Variants in AP2B1 observed in about 807,000 individuals in gnomAD.
The protein encoded by AP2B1 is AP-2 complex subunit beta.
AP2B1 carries 23 observed loss-of-function variants against 102.0 expected under a neutral mutation model. The observed-to-expected ratio is 0.23, with a 90% CI of 0.16 to 0.32. AP2B1 has a LOEUF of 0.32. AP2B1 is among the 10% of genes least tolerant of loss of function. The pLI is 1.00. For synonymous variants in AP2B1, 381 were observed against 421.2 expected (o/e 0.90, Z 1.17); for missense variants, 541 against 1,157.4 (o/e 0.47, Z 7.73).
At chr17:35,687,726 T>G (rs2075965067) in intron 18 of AP2B1, among the ~76,000 whole-genome samples, 1 of 151,956 alleles carries the variant, frequency 6.6e-6, no homozygotes, top group African/African-American at 2.4e-5. Flanking sequence ...AATTTTTTAT[T>G]TTTATGTAGA....
intron 18 of AP2B1, among the ~76,000 whole-genome samples, chr17:35,694,981 T>C (rs1320985698): frequency 6.6e-6 from 1 of 152,026 alleles, no homozygotes; most frequent in Non-Finnish European, 1.5e-5. Context: ...CCCTCACTAT[T>C]AACATAAACA....
chr17:35,657,153 C>G (rs79512659), intron 13 of AP2B1, among the ~76,000 whole-genome samples: 2,664 of 152,216 alleles, frequency 0.018, 53 homozygotes, highest in African/African-American at 0.048. Flanking sequence ...CTCTCATATC[C>G]TATCAATTAT....
intron 12 of AP2B1, among the ~76,000 whole-genome samples, chr17:35,647,763 C>T (rs1032542323): frequency 2.6e-5 from 4 of 152,082 alleles, no homozygotes; most frequent in Non-Finnish European, 4.4e-5. Context: ...ATGATAAGGG[C>T]CTTAAGTGGC....
chr17:35,666,406 A>G (rs550100822), intron 14 of AP2B1, among the ~76,000 whole-genome samples: 1 of 152,322 alleles, frequency 6.6e-6, no homozygotes, highest in Middle Eastern at 3.4e-3. Context: ...TACAGCAATT[A>G]TGGGGGACTA....
In AP2B1 at chr17:35,708,003, A is replaced by G. The variant is rs587701806; in HGVS notation, c.2455-1221A>G. On this transcript the variant is annotated intron_variant, in intron 18 of 21. Transcript: ENST00000610402. ...AGGGAATACAGGCACCATTTAAAGT[A>G]AGGAAGGTAAGTTGATACTAAATGT... 7.2e-5 allele frequency among the ~76,000 whole-genome samples: 11 copies of G among 152,336 alleles called. No individual in the cohort carries two copies. In the East Asian group the frequency reaches 1.7e-3, roughly 24 times the overall value.
At chr17:35,671,100 T>C (rs2075578020) in intron 15 of AP2B1, among the ~76,000 whole-genome samples, 3 of 152,128 alleles carry the variant, frequency 2.0e-5, no homozygotes, top group African/African-American at 7.2e-5. Flanking sequence ...GAGACATCTT[T>C]AAGGTTTAAT....
chr17:35,629,891 C>CCT (rs947634288), intron 9 of AP2B1, among the ~76,000 whole-genome samples: 4 of 152,172 alleles, frequency 2.6e-5, no homozygotes, highest in Admixed American at 1.3e-4. Flanking sequence ...AGTCAGCAGT[C>CCT]CTCCATTTGT....
intron 3 of AP2B1, among the ~76,000 whole-genome samples, chr17:35,599,523 A>G (rs563906338): frequency 6.6e-6 from 1 of 152,372 alleles, no homozygotes; most frequent in South Asian, 2.1e-4. Flanking sequence ...GAAATGTGTC[A>G]GCATAGCTCA....
At chr17:35,666,691 C>T (rs1462979971) in intron 14 of AP2B1, among the ~76,000 whole-genome samples, 1 of 152,066 alleles carries the variant, frequency 6.6e-6, no homozygotes, top group Admixed American at 6.5e-5. Context: ...AAAGCCATAC[C>T]CTGCACTCCT....
chr17:35,717,263 G>T lies in AP2B1; in HGVS notation c.2695G>T (p.Asp899Tyr). ...TGCCAAGAGGAATGTGGAAGGGCAG[G>T]ACATGCTGTACCAATCCCTGAAGCT... ...TIAKRNVEGQ[D>Y]MLYQSLKLTN... Residue 899 changes from aspartate (D) to tyrosine (Y), a missense_variant, in exon 21 of 22, where the codon GAC becomes TAC. Around this residue, in one of 10 missense-constraint regions of AP2B1, gnomAD observed 117 missense variants for 206.7 expected, o/e 0.57. Coordinates refer to ENST00000610402, the MANE Select transcript of AP2B1 (RefSeq NM_001030006.2). 6.2e-7 allele frequency: 1 copy of T among 1,614,174 alleles called. No homozygotes were observed. The highest frequency in any genetic ancestry group is 8.5e-7 in the Non-Finnish European group (1 of 1,180,000).
intron 16 of AP2B1, 78 bp downstream of exon 16, chr17:35,671,978 T>G: frequency 6.7e-7 from 1 of 1,501,642 alleles, no homozygotes. Flanking sequence ...TTTGTGTTAC[T>G]TCTACTGGTA....
At chr17:35,704,358 G>A (rs2076298666) in intron 18 of AP2B1, among the ~76,000 whole-genome samples, 1 of 152,152 alleles carries the variant, frequency 6.6e-6, no homozygotes, top group South Asian at 2.1e-4. Flanking sequence ...TTGAGAATCA[G>A]TGTGCCTAAT....
At chr17:35,715,633 A>C (rs1196282793) in intron 20 of AP2B1, among the ~76,000 whole-genome samples, 1 of 152,240 alleles carries the variant, frequency 6.6e-6, no homozygotes. Context: ...TCAAAGCTGC[A>C]AGAGCCCTTC....
intron 5 of AP2B1, among the ~76,000 whole-genome samples, chr17:35,611,157 G>A (rs2073851023): frequency 6.6e-6 from 1 of 152,096 alleles, no homozygotes; most frequent in Admixed American, 6.5e-5. Flanking sequence ...TTGTGTTTTT[G>A]GCATTGCTTT....
rs1325785580 is a variant in AP2B1, at chr17:35,724,862, A to G, written c.*1163A>G. 3 of 152,170 alleles carry G rather than the reference A, an allele frequency of 2.0e-5. No homozygotes were observed. Among genetic ancestry groups the G allele is most frequent in the Non-Finnish European group, 2.9e-5 (2 of 68,040 alleles). The allele number at this position is 152,170 out of a possible 1,614,324, so 9.4% of individuals were successfully genotyped here. The stretch of plus-strand genomic sequence containing the variant: ...CCATATTGATTTTGACGCTCTGTAT[A>G]TTGGCATCAGGTGGCAGCTGAATAT... On this transcript the variant is annotated 3_prime_UTR_variant, in exon 22 of 22. Coordinates refer to ENST00000610402, the MANE Select transcript of AP2B1 (RefSeq NM_001030006.2).
intron 2 of AP2B1, among the ~76,000 whole-genome samples, chr17:35,595,024 C>T (rs764277388): frequency 9.2e-5 from 14 of 152,150 alleles, no homozygotes; most frequent in Admixed American, 7.2e-4. Context: ...TTCAGGAGTC[C>T]TTACATTTAC....
intron 5 of AP2B1, among the ~76,000 whole-genome samples, chr17:35,615,342 G>A (rs1035921353): frequency 2.6e-5 from 4 of 152,194 alleles, no homozygotes; most frequent in African/African-American, 9.6e-5. Flanking sequence ...CTGATATATG[G>A]TAAATGCTTA....
At chr17:35,607,151 C>T (rs898401183) in intron 4 of AP2B1, among the ~76,000 whole-genome samples, 9 of 152,106 alleles carry the variant, frequency 5.9e-5, no homozygotes, top group Non-Finnish European at 1.2e-4. Context: ...GTGATCCGCC[C>T]ACCTTGGCCT....
At chr17:35,614,029 G>T (rs1249540770) in intron 5 of AP2B1, among the ~76,000 whole-genome samples, 2 of 152,104 alleles carry the variant, frequency 1.3e-5, no homozygotes, top group Non-Finnish European at 2.9e-5. Context: ...TTGAATGAAT[G>T]ATAGTATTCT....
Sources: gnomAD v4.1 joint callset for allele counts (sites outside exome capture counted in the v4.1 genomes callset) on GRCh38, gnomAD v4.1.1 for gene constraint, gnomAD v4.1.1 regional missense constraint, MANE v1.5 for transcripts, NCBI Gene and HGNC (gene_info 2026-07-23, HGNC 2026-07-21) for gene names.